VWC2L: variants seen among roughly 807,000 people sequenced by gnomAD.
VWC2L encodes von Willebrand factor C domain-containing protein 2-like.
VWC2L carries 10 observed loss-of-function variants against 21.6 expected under a neutral mutation model. That is an observed-to-expected ratio of 0.46 (90% confidence interval 0.29 to 0.78). The LOEUF (loss-of-function observed/expected upper bound fraction) is 0.78. Ranked by LOEUF, VWC2L falls within the 30% of genes least tolerant of loss-of-function variation. The pLI is 0.10. For missense variants in VWC2L, 209 were observed against 277.1 expected (o/e 0.75, Z 1.74); for synonymous variants, 96 against 94.3 (o/e 1.02, Z -0.10).
intron 3 of VWC2L, among the ~76,000 whole-genome samples, chr2:214,473,250 T>C (rs1703336673): frequency 1.3e-5 from 2 of 152,176 alleles, no homozygotes; most frequent in African/African-American, 4.8e-5. Context: ...TACATACCTA[T>C]TGTGTCAAAA....
At chr2:214,520,126 C>T (rs1689212115) in intron 3 of VWC2L, among the ~76,000 whole-genome samples, 1 of 150,612 alleles carries the variant, frequency 6.6e-6, no homozygotes, top group African/African-American at 2.4e-5. Flanking sequence ...AGGTCCATTT[C>T]TCAAAATTTG....
At chr2:214,493,465 C>T (rs1688771939) in intron 3 of VWC2L, among the ~76,000 whole-genome samples, 1 of 152,126 alleles carries the variant, frequency 6.6e-6, no homozygotes, top group Admixed American at 6.6e-5. Context: ...ACGATTCTGT[C>T]CCTTTGTCCT....
chr2:214,468,367 A>C (rs887085752), intron 3 of VWC2L, among the ~76,000 whole-genome samples: 24 of 152,182 alleles, frequency 1.6e-4, no homozygotes, highest in South Asian at 8.3e-4. Flanking sequence ...ACTAGGGTTA[A>C]AAATGTGAAA....
rs1355713956 is a variant in VWC2L, at chr2:214,463,462, TA to T, written c.520+26707del. Among the ~76,000 whole-genome samples, 13 of 152,276 alleles carry T rather than the reference TA, an allele frequency of 8.5e-5. No individual in the cohort carries two copies. In the South Asian group the frequency reaches 1.9e-3, roughly 22 times the overall value. The stretch of plus-strand genomic sequence containing the variant: ...CTACTTCTATTTATTTGTATTTCTA[TA>T]AAGTCCTTTTCTTATAGATGACATA... On this transcript the variant is annotated intron_variant, in intron 3 of 3. Coordinates refer to ENST00000312504, the MANE Select transcript of VWC2L (RefSeq NM_001080500.4).
At chr2:214,470,957 G>C (rs537021302) in intron 3 of VWC2L, among the ~76,000 whole-genome samples, 2 of 143,794 alleles carry the variant, frequency 1.4e-5, no homozygotes, top group East Asian at 4.0e-4. Flanking sequence ...AGGTGATCGC[G>C]TAATGGGCAT....
intron 2 of VWC2L, chr2:214,436,202 T>C (rs1559290285): frequency 1.2e-5 from 2 of 162,496 alleles, no homozygotes; most frequent in Non-Finnish European, 1.4e-5. Flanking sequence ...CATTTTCTTG[T>C]TTCTCAGTAA....
At chr2:214,435,285 C>G (rs1380447102) in intron 2 of VWC2L, among the ~76,000 whole-genome samples, 1 of 152,130 alleles carries the variant, frequency 6.6e-6, no homozygotes, top group Non-Finnish European at 1.5e-5. Context: ...AATGTTTAAA[C>G]ACAACTCACC....
At chr2:214,521,748 T>C (rs1167427743) in intron 3 of VWC2L, among the ~76,000 whole-genome samples, 1 of 152,220 alleles carries the variant, frequency 6.6e-6, no homozygotes, top group Non-Finnish European at 1.5e-5. Flanking sequence ...TACGAAACCA[T>C]ACCACATGGG....
In VWC2L at chr2:214,436,704, G is replaced by T; in HGVS notation, c.466G>T (p.Glu156Ter). 1.2e-6 allele frequency: 2 copies of T among 1,613,436 alleles called. No individual in the cohort carries two copies. The change falls in exon 3 of 4, where the codon GAG becomes TAG. Residue 156 changes from glutamate to a stop codon, truncating the protein, a stop_gained. Coordinates refer to ENST00000312504, the MANE Select transcript of VWC2L (RefSeq NM_001080500.4). LOFTEE classifies it high-confidence loss of function. The stretch of plus-strand genomic sequence containing the variant: ...TGTTGTAGCAGACTGCGCAGTTCCT[G>T]AGTGTGTCAACCCAGTCTATGAACC... ...HCVVADCAVP[E>*]CVNPVYEPEQ...
intron 3 of VWC2L, among the ~76,000 whole-genome samples, chr2:214,557,035 G>A (rs1689884003): frequency 6.6e-6 from 1 of 152,158 alleles, no homozygotes; most frequent in Non-Finnish European, 1.5e-5. Flanking sequence ...AAACAGTGCG[G>A]GGTTGGGGAG....
At chr2:214,505,982 G>A (rs34015451) in intron 3 of VWC2L, among the ~76,000 whole-genome samples, 52,406 of 151,864 alleles carry the variant, frequency 0.35, 10,467 homozygotes, top group South Asian at 0.47. Flanking sequence ...AAGATGATTC[G>A]CTTATTTTCA....
chr2:214,451,893 C>G (rs1702960260), intron 3 of VWC2L, among the ~76,000 whole-genome samples: 1 of 152,172 alleles, frequency 6.6e-6, no homozygotes, highest in African/African-American at 2.4e-5. Flanking sequence ...ATTAAATGAA[C>G]TGTACATTTT....
chr2:214,566,858 G>C (rs1690069853), intron 3 of VWC2L, among the ~76,000 whole-genome samples: 1 of 152,146 alleles, frequency 6.6e-6, no homozygotes, highest in Non-Finnish European at 1.5e-5. Context: ...CACCTGATCA[G>C]AAATCCTATT....
chr2:214,495,973 A>AAG (rs1688806016), intron 3 of VWC2L, among the ~76,000 whole-genome samples: 1 of 152,108 alleles, frequency 6.6e-6, no homozygotes, highest in African/African-American at 2.4e-5. Flanking sequence ...CATTCTAAGA[A>AAG]ATGTGTCCTT....
chr2:214,461,131 C>T (rs1703134224), intron 3 of VWC2L, among the ~76,000 whole-genome samples: 2 of 152,200 alleles, frequency 1.3e-5, no homozygotes, highest in Admixed American at 1.3e-4. Flanking sequence ...GGCCAGTAGT[C>T]AGGCCCCAGT....
At chr2:214,413,106 T>A (rs1357525927) in intron 1 of VWC2L, among the ~76,000 whole-genome samples, 2 of 152,114 alleles carry the variant, frequency 1.3e-5, no homozygotes, top group Non-Finnish European at 2.9e-5. Context: ...GCATATTTTC[T>A]ATGAATGGTT....
At chr2:214,528,899 A>T (rs1035655143) in intron 3 of VWC2L, among the ~76,000 whole-genome samples, 1 of 152,176 alleles carries the variant, frequency 6.6e-6, no homozygotes, top group Non-Finnish European at 1.5e-5. Flanking sequence ...TCTCTTCCTG[A>T]ATTTTTAGAG....
At chr2:214,424,702 A>G (rs942306987) in intron 2 of VWC2L, among the ~76,000 whole-genome samples, 1 of 152,208 alleles carries the variant, frequency 6.6e-6, no homozygotes, top group African/African-American at 2.4e-5. Context: ...AAAGTTCACA[A>G]AAGTTCAATG....
chr2:214,430,936 A>G (rs1402545866), intron 2 of VWC2L, among the ~76,000 whole-genome samples: 1 of 152,192 alleles, frequency 6.6e-6, no homozygotes, highest in Admixed American at 6.5e-5. Context: ...CAGTGTTCCA[A>G]ATATGCTCCA....
Sources: allele counts gnomAD v4.1 joint callset (sites outside exome capture counted in the v4.1 genomes callset), GRCh38; gene constraint gnomAD v4.1.1; transcripts MANE v1.5; gene names NCBI Gene and HGNC (gene_info 2026-07-23, HGNC 2026-07-21).